Variants in NRG3 observed in about 807,000 individuals in gnomAD.
The protein encoded by NRG3 is pro-neuregulin-3, membrane-bound isoform.
NRG3 carries 31 observed loss-of-function variants against 66.9 expected under a neutral mutation model. The ratio of observed to expected loss-of-function variants is 0.46; its 90% CI spans 0.35 to 0.63. The LOEUF is 0.63. Ranked by LOEUF, NRG3 falls within the 20% of genes least tolerant of loss-of-function variation. NRG3 has a pLI of 0.00. For missense variants in NRG3, 910 were observed against 878.9 expected (o/e 1.04, Z -0.45); for synonymous variants, 393 against 359.4 (o/e 1.09, Z -1.06).
intron 2 of NRG3, among the ~76,000 whole-genome samples, chr10:82,501,476 A>G (rs1057345636): frequency 2.6e-5 from 4 of 152,104 alleles, no homozygotes; most frequent in African/African-American, 9.7e-5. Context: ...ATGACCTGCC[A>G]GCCCCTTCCC....
intron 1 of NRG3, among the ~76,000 whole-genome samples, chr10:82,245,996 T>TTTC: frequency 6.6e-6 from 1 of 150,960 alleles, no homozygotes; most frequent in East Asian, 1.9e-4. Context: ...TTTTTTTTTT[T>TTTC]TTTTTAACTC....
At position 82,531,292 on chromosome 10, in the gene NRG3, G is replaced by A. The variant is rs929367746; in HGVS notation, c.953+172424G>A. The stretch of plus-strand genomic sequence containing the variant: ...CAAGATTCCTTCTCCCATTACCAAT[G>A]ACATAATATTAGAGACAGATTTAAA... On this transcript the variant is annotated intron_variant, in intron 2 of 8. Coordinates refer to ENST00000372141, the MANE Select transcript of NRG3 (RefSeq NM_001010848.4). 4.0e-5 allele frequency among the ~76,000 whole-genome samples: 6 copies of A among 151,726 alleles called. No individual in the cohort carries two copies. The East Asian group carries it at 7.7e-4, about 20-fold the overall frequency.
intron 1 of NRG3, among the ~76,000 whole-genome samples, chr10:82,139,616 C>T (rs2069623164): frequency 6.6e-6 from 1 of 152,138 alleles, no homozygotes; most frequent in South Asian, 2.1e-4. Flanking sequence ...GTGACACTTA[C>T]ATTACTGTTG....
intron 1 of NRG3, among the ~76,000 whole-genome samples, chr10:81,979,991 C>T (rs1188482804): frequency 6.6e-6 from 1 of 152,110 alleles, no homozygotes; most frequent in Non-Finnish European, 1.5e-5. Context: ...ACCAACCAGC[C>T]CTTACTAAAA....
intron 1 of NRG3, among the ~76,000 whole-genome samples, chr10:81,928,128 T>C (rs146511141): frequency 7.9e-5 from 12 of 152,356 alleles, no homozygotes; most frequent in Non-Finnish European, 1.3e-4. Context: ...AAACTGTACT[T>C]ATTCTCACTT....
intron 1 of NRG3, among the ~76,000 whole-genome samples, chr10:82,257,757 AT>A (rs761293899): frequency 6.6e-6 from 1 of 152,146 alleles, no homozygotes; most frequent in Non-Finnish European, 1.5e-5. Flanking sequence ...ACAGAGCAAG[AT>A]TTTGTCTCAA....
chr10:82,132,516 G>GATAGAT (rs2068974941), intron 1 of NRG3, among the ~76,000 whole-genome samples: 1 of 11,842 alleles, frequency 8.4e-5, no homozygotes, highest in African/African-American at 3.8e-4. Flanking sequence ...ATATATATAT[G>GATAGAT]ATATATATGA....
chr10:82,857,201 C>T (rs1320856952), intron 3 of NRG3, among the ~76,000 whole-genome samples: 7 of 152,160 alleles, frequency 4.6e-5, no homozygotes, highest in African/African-American at 1.7e-4. Flanking sequence ...TTGCTGTATA[C>T]CAATATGGGG....
intron 4 of NRG3, among the ~76,000 whole-genome samples, chr10:82,935,815 A>T (rs1848012310): frequency 6.6e-6 from 1 of 151,988 alleles, no homozygotes; most frequent in East Asian, 1.9e-4. Flanking sequence ...TAATAGAAAC[A>T]ATGATAAATG....
At chr10:82,689,671 A>G (rs10509458) in intron 2 of NRG3, among the ~76,000 whole-genome samples, 9,271 of 152,250 alleles carry the variant, frequency 0.061, 874 homozygotes, top group African/African-American at 0.2. Context: ...AGAATACTCA[A>G]TTATGTACTT....
intron 4 of NRG3, among the ~76,000 whole-genome samples, chr10:82,870,080 G>A (rs943052104): frequency 1.5e-4 from 23 of 148,390 alleles, no homozygotes; most frequent in African/African-American, 5.5e-4. Context: ...GTGTTAGCCA[G>A]GATGGTCTCG....
At chr10:82,300,067 ACAAAGAATGT>A (rs2080306443) in intron 1 of NRG3, among the ~76,000 whole-genome samples, 1 of 152,170 alleles carries the variant, frequency 6.6e-6, no homozygotes, top group Admixed American at 6.5e-5. Flanking sequence ...ATATACACAC[ACAAAGAATGT>A]CAACTATATA....
At chr10:82,958,104 C>A (rs527983281) in intron 5 of NRG3, among the ~76,000 whole-genome samples, 1 of 152,212 alleles carries the variant, frequency 6.6e-6, no homozygotes, top group African/African-American at 2.4e-5. Flanking sequence ...CAGAACCCTA[C>A]AGCAGTTTCA....
chr10:82,688,154 A>G (rs1036495915), intron 2 of NRG3, among the ~76,000 whole-genome samples: 4 of 152,314 alleles, frequency 2.6e-5, no homozygotes, highest in Admixed American at 2.0e-4. Flanking sequence ...CATTGTTTGT[A>G]TCATTCCTCA....
At chr10:82,301,543 C>T (rs2134777246) in intron 1 of NRG3, among the ~76,000 whole-genome samples, 1 of 152,024 alleles carries the variant, frequency 6.6e-6, no homozygotes, top group Non-Finnish European at 1.5e-5. Context: ...AGTATGGTTT[C>T]TGTTTACTGA....
intron 2 of NRG3, among the ~76,000 whole-genome samples, chr10:82,446,228 A>C (rs1216089894): frequency 1.3e-5 from 2 of 152,204 alleles, no homozygotes; most frequent in African/African-American, 4.8e-5. Context: ...TTTGTTCCAA[A>C]ATGGAAGAAA....
chr10:82,442,784 ATTTTTTTTTT>A (rs61261285), intron 2 of NRG3, among the ~76,000 whole-genome samples: 13 of 54,274 alleles, frequency 2.4e-4, no homozygotes, highest in East Asian at 5.7e-4. Flanking sequence ...TTCTGTGTGG[ATTTTTTTTTT>A]TTTTTTTTTT....
In NRG3 at chr10:82,985,856, T is replaced by C. The variant is rs938962022; in HGVS notation, c.*251T>C. 1.3e-5 allele frequency: 5 copies of C among 391,360 alleles called. No individual in the cohort carries two copies. Among genetic ancestry groups the C allele is most frequent in the Admixed American group, 8.4e-5 (2 of 23,762 alleles). 24.2% of individuals were successfully genotyped at this position (391,360 alleles called of 1,614,324 possible). Reference sequence around the variant, plus strand: ...ATCCAATTTCGTTTAGTCCCAACACTGTCCTCTTTGGCTCTTAGAAGATGT... The same window carrying C: ...ATCCAATTTCGTTTAGTCCCAACACCGTCCTCTTTGGCTCTTAGAAGATGT... On this transcript the variant is annotated 3_prime_UTR_variant, in exon 9 of 9. Transcript: ENST00000372141.
chr10:82,733,046 C>T (rs533516839), intron 2 of NRG3, among the ~76,000 whole-genome samples: 4 of 152,158 alleles, frequency 2.6e-5, no homozygotes, highest in African/African-American at 4.8e-5. Context: ...AAAGTTGTCA[C>T]GGTCAGGAAA....
Sources: allele counts gnomAD v4.1 joint callset (sites outside exome capture counted in the v4.1 genomes callset), GRCh38; gene constraint gnomAD v4.1.1; transcripts MANE v1.5; gene names NCBI Gene and HGNC (gene_info 2026-07-23, HGNC 2026-07-21).